The following RASSF3 variants were observed in gnomAD, a reference collection of about 807,000 sequenced individuals.
The protein encoded by RASSF3 is Ras association domain family member 3.
A neutral mutation model predicts 19.9 loss-of-function variants in RASSF3; 19 were observed. That is an observed-to-expected ratio of 0.96 (90% confidence interval 0.67 to 1.40). The LOEUF is 1.40. Among genes scored for constraint, RASSF3 ranks in the 40% most tolerant of loss-of-function variants. RASSF3 has a pLI of 0.00. For missense variants in RASSF3, 306 were observed against 289.8 expected, an observed-to-expected ratio of 1.06 and a Z score of -0.41; for synonymous variants, 110 against 104.2, an observed-to-expected ratio of 1.06 and a Z score of -0.34.
At chr12:64,616,488 C>T (rs1411634080) in intron 1 of RASSF3, among the ~76,000 whole-genome samples, 1 of 152,186 alleles carries the variant, frequency 6.6e-6, no homozygotes, top group East Asian at 1.9e-4. Context: ...GCATTTTCCA[C>T]CCCCAAGTCT....
chr12:64,589,879 G>A lies in RASSF3; in HGVS notation c.294+48174G>A, dbSNP rs183951412. Among the ~76,000 whole-genome samples, 395 of 151,886 alleles carry A rather than the reference G, an allele frequency of 2.6e-3. 3 individuals carry two copies. Among genetic ancestry groups the A allele is most frequent in the Non-Finnish European group, 4.4e-3 (302 of 67,942 alleles). On this transcript the variant is annotated intron_variant, in intron 2 of 5. Transcript: ENST00000637125. The stretch of plus-strand genomic sequence containing the variant: ...TAGCTGGGCATGGTGGCACGTGCCT[G>A]TAACCCCAGCTACTGGGGATGCTGA...
downstream of RASSF3, among the ~76,000 whole-genome samples, chr12:64,543,434 C>CCCGCTCCCCGCCTG (rs1565836086): frequency 1.7e-5 from 1 of 59,566 alleles, no homozygotes; most frequent in Non-Finnish European, 3.1e-5. Flanking sequence ...TCCCCGCCCG[C>CCCGCTCCCCGCCTG]CCCCCCCGTG....
chr12:64,634,502 TG>T (rs1397928307), intron 1 of RASSF3, among the ~76,000 whole-genome samples: 1 of 152,034 alleles, frequency 6.6e-6, no homozygotes, highest in Non-Finnish European at 1.5e-5. Context: ...TGCTGATTTT[TG>T]GGGGGCATTG....
At chr12:64,511,061 C>T (rs1189417879) in intron 1 of RASSF3, among the ~76,000 whole-genome samples, 1 of 152,138 alleles carries the variant, frequency 6.6e-6, no homozygotes, top group Non-Finnish European at 1.5e-5. Flanking sequence ...AGTTTCCTTC[C>T]AGTTTCATAA....
chr12:64,589,962 C>A (rs2928384), intron 2 of RASSF3, among the ~76,000 whole-genome samples: 148,087 of 148,130 alleles, frequency 1, 74,022 homozygotes, highest in Middle Eastern at 1. Context: ...AGATCATGCC[C>A]CTGTACTCCA....
At chr12:64,635,562 A>G (rs1871303911) in intron 1 of RASSF3, among the ~76,000 whole-genome samples, 1 of 152,234 alleles carries the variant, frequency 6.6e-6, no homozygotes, top group South Asian at 2.1e-4. Context: ...ATACTGATTC[A>G]TCTCATTCTC....
intron 1 of RASSF3, among the ~76,000 whole-genome samples, chr12:64,620,208 A>G (rs1870704474): frequency 6.6e-6 from 1 of 151,964 alleles, no homozygotes. Context: ...TTTTTTTGTA[A>G]CTGGCTTAGT....
At chr12:64,657,015 T>C (rs947302737) in intron 1 of RASSF3, among the ~76,000 whole-genome samples, 4 of 150,608 alleles carry the variant, frequency 2.7e-5, no homozygotes, top group Admixed American at 6.6e-5. Context: ...TAGTTTCTTT[T>C]TTTTTTTTTT....
At chr12:64,620,448 C>T (rs1361420341) in intron 1 of RASSF3, among the ~76,000 whole-genome samples, 2 of 152,016 alleles carry the variant, frequency 1.3e-5, no homozygotes, top group East Asian at 1.9e-4. Flanking sequence ...AAACTTTTTG[C>T]GATATATACC....
At chr12:64,620,304 A>G (rs2136162447) in intron 1 of RASSF3, among the ~76,000 whole-genome samples, 1 of 152,266 alleles carries the variant, frequency 6.6e-6, no homozygotes, top group African/African-American at 2.4e-5. Flanking sequence ...TAATATATCC[A>G]TTGTATGTAT....
chr12:64,544,662 A>G (rs1248072042), downstream of RASSF3, among the ~76,000 whole-genome samples: 1 of 151,994 alleles, frequency 6.6e-6, no homozygotes, highest in Non-Finnish European at 1.5e-5. Context: ...GGGCACTTGC[A>G]TTAAATTATC....
intron 1 of RASSF3, among the ~76,000 whole-genome samples, chr12:64,660,363 A>G (rs1482853167): frequency 1.3e-5 from 2 of 152,166 alleles, no homozygotes; most frequent in Non-Finnish European, 2.9e-5. Context: ...ATTTACATTC[A>G]GGAGCCACTA....
At chr12:64,673,623 C>T (rs140383109) in intron 1 of RASSF3, among the ~76,000 whole-genome samples, 29 of 152,212 alleles carry the variant, frequency 1.9e-4, no homozygotes, top group African/African-American at 6.7e-4. Flanking sequence ...CCCATGCAGC[C>T]GCATTCCTTT....
At chr12:64,691,647 A>G in intron 4 of RASSF3, 68 bp downstream of exon 4, 1 of 594,086 alleles carries the variant, frequency 1.7e-6, no homozygotes, top group East Asian at 5.2e-5. Context: ...GCAGTAGCCT[A>G]GTGACTTGGC....
At chr12:64,676,166 ATTTTT>A (rs35376691) in intron 1 of RASSF3, among the ~76,000 whole-genome samples, 1 of 106,404 alleles carries the variant, frequency 9.4e-6, no homozygotes, top group Non-Finnish European at 1.8e-5. Context: ...CAGGAGTAGA[ATTTTT>A]TTTTTTTTTT....
At chr12:64,609,543 A>C (rs558855518), upstream of RASSF3, 2 of 152,366 alleles carry the variant, frequency 1.3e-5, no homozygotes, top group Admixed American at 1.3e-4. Flanking sequence ...GTATTATTTA[A>C]ATCAGTGCAG....
chr12:64,587,648 G>T (rs1869836064), intron 2 of RASSF3, among the ~76,000 whole-genome samples: 1 of 152,188 alleles, frequency 6.6e-6, no homozygotes, highest in South Asian at 2.1e-4. Context: ...GCGAGGTCAG[G>T]GACATATGCA....
intron 1 of RASSF3, among the ~76,000 whole-genome samples, chr12:64,626,091 C>T (rs1311216291): frequency 2.6e-5 from 4 of 151,954 alleles, no homozygotes; most frequent in African/African-American, 7.3e-5. Flanking sequence ...CCAAATGCCA[C>T]TGTGAAGATT....
In RASSF3 at chr12:64,669,405, G is replaced by A. The variant is rs76982746; in HGVS notation, c.112-15382G>A. 5.4e-3 allele frequency among the ~76,000 whole-genome samples: 815 copies of A among 152,048 alleles called. 5 individuals carry two copies. The highest frequency in any genetic ancestry group is 8.5e-3 in the Non-Finnish European group (578 of 67,988). Reference sequence around the variant, plus strand: ...GATGAAACAGTTCCCCCTGTCACACGTGGAGATAAGGATGTGGCTCTAGGC... The same window carrying A: ...GATGAAACAGTTCCCCCTGTCACACATGGAGATAAGGATGTGGCTCTAGGC... On this transcript the variant is annotated intron_variant, in intron 1 of 4. Transcript: ENST00000542104.
Sources: allele counts gnomAD v4.1 joint callset (sites outside exome capture counted in the v4.1 genomes callset), GRCh38; gene constraint gnomAD v4.1.1; transcripts MANE v1.5; gene names NCBI Gene and HGNC (gene_info 2026-07-23, HGNC 2026-07-21).